MCU: variants seen among roughly 807,000 people sequenced by gnomAD.
The protein encoded by MCU is calcium uniporter protein, mitochondrial.
MCU carries 12 observed loss-of-function variants against 45.2 expected under a neutral mutation model. The ratio of observed to expected loss-of-function variants is 0.27; its 90% CI spans 0.17 to 0.43. MCU has a LOEUF of 0.43. MCU is among the 20% of genes least tolerant of loss of function. The pLI is 1.00. For missense variants in MCU, 324 were observed against 436.7 expected (o/e 0.74, Z 2.30); for synonymous variants, 160 against 165.1 (o/e 0.97, Z 0.24).
At chr10:72,815,827 G>A (rs1055886326) in intron 1 of MCU, among the ~76,000 whole-genome samples, 1 of 152,076 alleles carries the variant, frequency 6.6e-6, no homozygotes, top group Non-Finnish European at 1.5e-5. Context: ...TCATTACAGA[G>A]CTAATATGCC....
In MCU at chr10:72,828,070, C is replaced by G. The variant is rs146189934; in HGVS notation, c.151-6289C>G. 3.6e-3 allele frequency among the ~76,000 whole-genome samples: 550 copies of G among 152,284 alleles called. 13 individuals carry two copies. Among genetic ancestry groups the G allele is most frequent in the Non-Finnish European group, 4.7e-3 (320 of 68,014 alleles). ...ATTAGACCAACTGAAATAGTTTACA[C>G]TGCTAATTGGAGTATCCGTATAAGC... On this transcript the variant is annotated intron_variant, in intron 1 of 7. Transcript: ENST00000373053.
intron 1 of MCU, among the ~76,000 whole-genome samples, chr10:72,769,288 A>G (rs74885139): frequency 5.9e-5 from 9 of 152,334 alleles, no homozygotes; most frequent in African/African-American, 1.2e-4. Context: ...GCCATGAAGA[A>G]TAAAACCGAG....
intron 1 of MCU, among the ~76,000 whole-genome samples, chr10:72,698,598 G>A (rs532678719): frequency 3.3e-5 from 5 of 152,266 alleles, no homozygotes; most frequent in Admixed American, 6.5e-5. Context: ...TCCGCCTCTC[G>A]GGTTCAAGCA....
chr10:72,711,135 TGCCATTGCA>T (rs1842888326), intron 1 of MCU, among the ~76,000 whole-genome samples: 1 of 150,230 alleles, frequency 6.7e-6, no homozygotes, highest in Non-Finnish European at 1.5e-5. Flanking sequence ...GCCGAGATCA[TGCCATTGCA>T]CTCTACCTGG....
intron 1 of MCU, among the ~76,000 whole-genome samples, chr10:72,713,326 C>G (rs936784973): frequency 1.3e-5 from 2 of 152,192 alleles, no homozygotes; most frequent in Non-Finnish European, 2.9e-5. Flanking sequence ...GTTCTCTAGG[C>G]TGGAATGCAG....
chr10:72,793,596 G>A (rs575857622), intron 1 of MCU, among the ~76,000 whole-genome samples: 1 of 152,006 alleles, frequency 6.6e-6, no homozygotes, highest in Non-Finnish European at 1.5e-5. Context: ...GGTGGTTCTT[G>A]CTTGGAATAT....
intron 1 of MCU, among the ~76,000 whole-genome samples, chr10:72,693,813 C>G (rs1029038902): frequency 1.3e-5 from 2 of 152,296 alleles, no homozygotes; most frequent in Admixed American, 6.5e-5. Flanking sequence ...TAAGGCCACC[C>G]CAAATTTTGA....
intron 1 of MCU, among the ~76,000 whole-genome samples, chr10:72,782,825 C>T (rs1380146545): frequency 6.6e-6 from 1 of 152,152 alleles, no homozygotes; most frequent in Non-Finnish European, 1.5e-5. Flanking sequence ...TCCAGCAAAG[C>T]CAGTAGCTTC....
intron 4 of MCU, among the ~76,000 whole-genome samples, chr10:72,865,250 T>C (rs1027792635): frequency 3.9e-5 from 6 of 152,204 alleles, no homozygotes; most frequent in Non-Finnish European, 5.9e-5. Flanking sequence ...TTTATCTGTA[T>C]CCAGGAACTC....
intron 1 of MCU, among the ~76,000 whole-genome samples, chr10:72,795,897 C>T (rs1046447145): frequency 5.9e-5 from 9 of 152,022 alleles, no homozygotes; most frequent in African/African-American, 2.2e-4. Context: ...ACTCTGGAGG[C>T]TGAGGCAGGA....
chr10:72,785,284 C>T (rs1844055897), intron 1 of MCU, among the ~76,000 whole-genome samples: 1 of 152,194 alleles, frequency 6.6e-6, no homozygotes, highest in African/African-American at 2.4e-5. Context: ...TTTGTTTCTC[C>T]TTTCTCTTTC....
At chr10:72,829,322 CAAA>C (rs34102458) in intron 1 of MCU, among the ~76,000 whole-genome samples, 2,242 of 116,664 alleles carry the variant, frequency 0.019, 43 homozygotes, top group African/African-American at 0.061. Context: ...GACACTGTCT[CAAA>C]AAAAAAAAAA....
At chr10:72,693,122 G>C in intron 1 of MCU, 1 of 1,513,382 alleles carries the variant, frequency 6.6e-7, no homozygotes, top group East Asian at 2.5e-5. Context: ...TTGTTGCTGG[G>C]TTTCATTGGC....
chr10:72,858,790 G>C (rs374141469), intron 2 of MCU, among the ~76,000 whole-genome samples: 3 of 152,158 alleles, frequency 2.0e-5, no homozygotes, highest in African/African-American at 7.2e-5. Flanking sequence ...TCTGGATCCC[G>C]AGAGCCACGT....
At chr10:72,778,310 G>A (rs1216414196) in intron 1 of MCU, among the ~76,000 whole-genome samples, 2 of 152,152 alleles carry the variant, frequency 1.3e-5, no homozygotes, top group African/African-American at 4.8e-5. Context: ...TAAAGAAAAT[G>A]TGGTATATAT....
chr10:72,848,461 GGATT>G (rs1006658722), intron 2 of MCU, among the ~76,000 whole-genome samples: 1 of 151,902 alleles, frequency 6.6e-6, no homozygotes, highest in African/African-American at 2.4e-5. Context: ...TTTTGGGAGT[GGATT>G]TTATCAGGAA....
chr10:72,748,019 A>G (rs1256468533), intron 1 of MCU, among the ~76,000 whole-genome samples: 1 of 151,664 alleles, frequency 6.6e-6, no homozygotes, highest in East Asian at 1.9e-4. Flanking sequence ...CCTTTTTTTC[A>G]TACTTAATCT....
chr10:72,813,441 C>T (rs1844574434), intron 1 of MCU, among the ~76,000 whole-genome samples: 1 of 147,318 alleles, frequency 6.8e-6, no homozygotes, highest in African/African-American at 2.5e-5. Flanking sequence ...ATTTAAATAC[C>T]AGCTCTCTCT....
At chr10:72,878,460 G>A (rs187569485) in intron 6 of MCU, among the ~76,000 whole-genome samples, 305 of 152,168 alleles carry the variant, frequency 2.0e-3, no homozygotes, top group African/African-American at 7.0e-3. Flanking sequence ...ATAAAAATAA[G>A]CAGATACACA....
Sources: gnomAD v4.1 joint callset for allele counts (sites outside exome capture counted in the v4.1 genomes callset) on GRCh38, gnomAD v4.1.1 for gene constraint, MANE v1.5 for transcripts, NCBI Gene and HGNC (gene_info 2026-07-23, HGNC 2026-07-21) for gene names.